NRXN3: variants seen among roughly 807,000 people sequenced by gnomAD.
NRXN3 encodes neurexin 3, also known as neurexin III.
Under a neutral mutation model 137.6 loss-of-function variants are expected in NRXN3, and 32 were observed. The ratio of observed to expected loss-of-function variants is 0.23; its 90% CI spans 0.18 to 0.31. The LOEUF is 0.31. NRXN3 is among the 10% of genes least tolerant of loss of function. NRXN3 has a pLI of 1.00. For missense variants in NRXN3, 1,574 were observed against 2,062.5 expected, an observed-to-expected ratio of 0.76 and a Z score of 4.59; for synonymous variants, 798 against 784.5, an observed-to-expected ratio of 1.02 and a Z score of -0.29.
At chr14:78,930,159 A>C (rs1471427202) in intron 10 of NRXN3, among the ~76,000 whole-genome samples, 1 of 152,194 alleles carries the variant, frequency 6.6e-6, no homozygotes, top group African/African-American at 2.4e-5. Flanking sequence ...CCTGTAAGTA[A>C]TAGACCAATG....
chr14:79,335,948 T>C (rs2092228137), intron 15 of NRXN3, among the ~76,000 whole-genome samples: 1 of 152,142 alleles, frequency 6.6e-6, no homozygotes, highest in African/African-American at 2.4e-5. Flanking sequence ...GTGGGCCATT[T>C]GCTTTTTTAG....
intron 15 of NRXN3, among the ~76,000 whole-genome samples, chr14:79,213,283 A>G (rs967024002): frequency 6.6e-6 from 1 of 152,154 alleles, no homozygotes; most frequent in Non-Finnish European, 1.5e-5. Context: ...AGTGGGCCTT[A>G]TTAATGAGAT....
intron 15 of NRXN3, among the ~76,000 whole-genome samples, chr14:79,109,244 G>A (rs2053032982): frequency 6.6e-6 from 1 of 152,062 alleles, no homozygotes; most frequent in Non-Finnish European, 1.5e-5. Flanking sequence ...CTGGACTTGG[G>A]GCTGCCATGT....
At chr14:79,560,519 T>TTTTTTTTTTTTTTTTG in intron 16 of NRXN3, among the ~76,000 whole-genome samples, 1 of 128,058 alleles carries the variant, frequency 7.8e-6, no homozygotes, top group Non-Finnish European at 1.7e-5. Flanking sequence ...TTTTTTTTTT[T>TTTTTTTTTTTTTTTTG]TTTTTTTTTG....
intron 16 of NRXN3, among the ~76,000 whole-genome samples, chr14:79,495,609 GCATTTTA>G (rs780772570): frequency 5.1e-4 from 78 of 152,166 alleles, no homozygotes; most frequent in Admixed American, 1.7e-3. Flanking sequence ...GTTCTTCTAA[GCATTTTA>G]CATTTAATCC....
intron 4 of NRXN3, among the ~76,000 whole-genome samples, chr14:78,592,380 T>G (rs1443598954): frequency 6.6e-6 from 1 of 152,044 alleles, no homozygotes; most frequent in Non-Finnish European, 1.5e-5. Context: ...AAGAAGTTAT[T>G]ATCGTGTGTT....
At chr14:79,534,785 A>G (rs1367684869) in intron 16 of NRXN3, among the ~76,000 whole-genome samples, 2 of 152,226 alleles carry the variant, frequency 1.3e-5, no homozygotes, top group African/African-American at 2.4e-5. Flanking sequence ...GGCAATGATC[A>G]TCTGGGCAAA....
At chr14:78,527,586 T>C (rs1285936726) in intron 4 of NRXN3, among the ~76,000 whole-genome samples, 1 of 152,160 alleles carries the variant, frequency 6.6e-6, no homozygotes, top group African/African-American at 2.4e-5. Flanking sequence ...TCTGTGTTAT[T>C]TTTATGTCCA....
chr14:78,471,098 G>A (rs74859292), intron 4 of NRXN3, among the ~76,000 whole-genome samples: 6,007 of 152,172 alleles, frequency 0.039, 370 homozygotes, highest in East Asian at 0.33. Flanking sequence ...TGGTTCTTTG[G>A]GGAGGGACAT....
intron 4 of NRXN3, among the ~76,000 whole-genome samples, chr14:78,345,629 T>G (rs1050007564): frequency 6.6e-6 from 1 of 152,082 alleles, no homozygotes; most frequent in Non-Finnish European, 1.5e-5. Flanking sequence ...TCTCTTTTAT[T>G]ACCACTTCTC....
rs981643536 is a variant in NRXN3, at chr14:79,441,809, A to G, written c.3263-25412A>G. ...TGTGAAGTAATCTTCAGCCAAAGCAAAGACTAAAATGACCTGTTCAATAAG... is the reference window on the plus strand; with the variant it reads ...TGTGAAGTAATCTTCAGCCAAAGCAGAGACTAAAATGACCTGTTCAATAAG... On this transcript the variant is annotated intron_variant, in intron 15 of 20. Transcript: ENST00000335750. 4.6e-5 allele frequency among the ~76,000 whole-genome samples: 7 copies of G among 152,028 alleles called. No individual in the cohort carries two copies. In the South Asian group the frequency reaches 1.5e-3, roughly 32 times the overall value.
At chr14:78,199,224 A>T (rs180993287) in intron 1 of NRXN3, among the ~76,000 whole-genome samples, 20 of 152,240 alleles carry the variant, frequency 1.3e-4, no homozygotes, top group African/African-American at 4.8e-4. Context: ...AGGTTGGATA[A>T]GGAGAAAGTG....
intron 1 of NRXN3, among the ~76,000 whole-genome samples, chr14:78,209,372 CG>C (rs2062521941): frequency 6.6e-6 from 1 of 152,068 alleles, no homozygotes; most frequent in Non-Finnish European, 1.5e-5. Context: ...CTCTCAGGGC[CG>C]GTGCGATTAC....
chr14:79,468,682 A>C (rs573306163), intron 16 of NRXN3, among the ~76,000 whole-genome samples: 1 of 152,208 alleles, frequency 6.6e-6, no homozygotes, highest in Non-Finnish European at 1.5e-5. Context: ...AGCAGTGCGC[A>C]TGTCTGACAC....
chr14:79,292,418 G>A (rs73325782), intron 15 of NRXN3, among the ~76,000 whole-genome samples: 3,714 of 152,166 alleles, frequency 0.024, 154 homozygotes, highest in African/African-American at 0.085. Flanking sequence ...AATTACGATA[G>A]GCTTTCTCCC....
chr14:79,580,451 T>TC (rs1555535461), intron 16 of NRXN3, among the ~76,000 whole-genome samples: 10 of 147,444 alleles, frequency 6.8e-5, no homozygotes, highest in African/African-American at 2.6e-4. Context: ...TTTTTTTTTT[T>TC]CATAACTCAG....
Position 79,200,403 on chromosome 14 carries a change from G to T in NRXN3, c.3262+212262G>T, listed in dbSNP as rs74634223. Among the ~76,000 whole-genome samples, 1,012 of 152,262 alleles carry T rather than the reference G, an allele frequency of 6.6e-3. 3 individuals are homozygous for T. The highest frequency in any genetic ancestry group is 0.011 in the Non-Finnish European group (732 of 68,024). ...AGCAAGGAAACACTGAAGAGAGAAG[G>T]GGTGGTCAGAAGAACTGTAGAAGTG... On this transcript the variant is annotated intron_variant, in intron 15 of 20. Transcript: ENST00000335750.
At chr14:78,911,044 A>G (rs1030046282) in intron 10 of NRXN3, among the ~76,000 whole-genome samples, 1 of 152,226 alleles carries the variant, frequency 6.6e-6, no homozygotes, top group African/African-American at 2.4e-5. Flanking sequence ...ATTTAATGCT[A>G]GACTTTATAT....
rs115443843 is a variant in NRXN3, at chr14:78,852,045, A to T, written c.2275+41701A>T. Among the ~76,000 whole-genome samples the T allele has an allele frequency of 1.3e-3, 198 of 152,340 alleles. 1 individual carries two copies. The highest frequency in any genetic ancestry group is 4.7e-3 in the African/African-American group (194 of 41,588). ...TTTTCAACTGGGTGTAACTGAAATA[A>T]ATAGGGCAGCCATAGTAATTTTACT... is the stretch of plus-strand genomic sequence containing the variant. On this transcript the variant is annotated intron_variant, in intron 10 of 20. Coordinates refer to ENST00000335750, the MANE Select transcript of NRXN3 (RefSeq NM_001330195.2).
Sources: gnomAD v4.1 joint callset for allele counts (sites outside exome capture counted in the v4.1 genomes callset) on GRCh38, gnomAD v4.1.1 for gene constraint, MANE v1.5 for transcripts, NCBI Gene and HGNC (gene_info 2026-07-23, HGNC 2026-07-21) for gene names.